The following GABRR1 variants were observed in gnomAD, a reference collection of about 807,000 sequenced individuals.
GABRR1 encodes the protein gamma-aminobutyric acid receptor subunit rho-1.
Under a neutral mutation model 55.5 loss-of-function variants are expected in GABRR1, and 59 were observed. The observed-to-expected ratio is 1.06, with a 90% confidence interval of 0.86 to 1.32. The LOEUF (loss-of-function observed/expected upper bound fraction) is 1.32. GABRR1 is among the 40% of genes most tolerant of loss of function. The pLI is 0.00. For synonymous variants in GABRR1, 213 were observed against 226.0 expected (o/e 0.94, Z 0.51); for missense variants, 602 against 619.1 (o/e 0.97, Z 0.29).
chr6:89,189,436 T>G (rs1381628484), intron 6 of GABRR1, among the ~76,000 whole-genome samples: 1 of 136,220 alleles, frequency 7.3e-6, no homozygotes, highest in East Asian at 2.2e-4. Context: ...CCGCATATTC[T>G]CACTCATAGG....
At position 89,181,387 on chromosome 6, in the gene GABRR1, C is replaced by T. The variant is rs554198797; in HGVS notation, c.949+518G>A. On this transcript the variant is annotated intron_variant, in intron 8 of 9. Coordinates refer to ENST00000454853, the MANE Select transcript of GABRR1 (RefSeq NM_002042.5). Reference sequence around the variant, plus strand: ...AGAGCTGACAGCAAATAGCCATAAGCGGAATGCTTATAGAAAAGGGATTCT... The same window carrying T: ...AGAGCTGACAGCAAATAGCCATAAGTGGAATGCTTATAGAAAAGGGATTCT... Among the ~76,000 whole-genome samples the T allele has an allele frequency of 2.1e-4, 32 of 152,182 alleles. 3 individuals are homozygous for T. The South Asian group carries it at 5.6e-3, about 27-fold the overall frequency.
intron 1 of GABRR1, among the ~76,000 whole-genome samples, chr6:89,206,892 A>G (rs1379873572): frequency 6.6e-6 from 1 of 152,182 alleles, no homozygotes; most frequent in Admixed American, 6.5e-5. Context: ...TGTTGGGATT[A>G]TATTTGTGAG....
At chr6:89,192,434 C>G (rs1312514443) in intron 5 of GABRR1, among the ~76,000 whole-genome samples, 1 of 152,160 alleles carries the variant, frequency 6.6e-6, no homozygotes, top group African/African-American at 2.4e-5. Context: ...ACACACACAC[C>G]AAGCTTTTTG....
chr6:89,230,926 G>A (rs1327706602), intron 1 of GABRR1, among the ~76,000 whole-genome samples: 3 of 151,230 alleles, frequency 2.0e-5, no homozygotes, highest in Non-Finnish European at 3.0e-5. Context: ...TTCCATGGGC[G>A]TAGGACCCTC....
intron 2 of GABRR1, among the ~76,000 whole-genome samples, 190 bp from the exon 3 acceptor site, chr6:89,201,455 G>C (rs945413198): frequency 6.6e-6 from 1 of 152,160 alleles, no homozygotes; most frequent in East Asian, 1.9e-4. Context: ...CCAAGACATT[G>C]GCTTTGACCA....
chr6:89,229,792 G>C lies in GABRR1; in HGVS notation c.-411+1424C>G, dbSNP rs1425928222. On this transcript the variant is annotated intron_variant, in intron 1 of 11. Transcript: ENST00000369451. The stretch of plus-strand genomic sequence containing the variant: ...CTTTGTGGCATTCTCTGTATTTCCT[G>C]AATCTGAACGTTGGCCTGCCTTGCT... Among the ~76,000 whole-genome samples, 62 of 106,292 alleles carry C rather than the reference G, an allele frequency of 5.8e-4. 1 individual carries two copies. Among genetic ancestry groups the C allele is most frequent in the African/African-American group, 2.2e-3 (61 of 27,412 alleles). 69.7% of individuals were successfully genotyped at this position (106,292 alleles called of 152,430 possible). A position where few individuals can be genotyped will look rare whatever the true frequency, so the allele number is the denominator to read the frequency against.
upstream of GABRR1, chr6:89,221,511 G>A (rs1377269233): frequency 6.6e-6 from 1 of 152,170 alleles, no homozygotes; most frequent in African/African-American, 2.4e-5. Context: ...CTACTTGCTA[G>A]TATTTACATT....
At chr6:89,184,101 G>T (rs1771816474) in intron 7 of GABRR1, among the ~76,000 whole-genome samples, 2 of 152,016 alleles carry the variant, frequency 1.3e-5, no homozygotes, top group African/African-American at 4.8e-5. Context: ...TTAGCCAGCC[G>T]TGGTGGTGGG....
At position 89,184,795 on chromosome 6, in the gene GABRR1, G is replaced by A. The variant is rs550638241; in HGVS notation, c.796+515C>T. 6.6e-5 allele frequency among the ~76,000 whole-genome samples: 10 copies of A among 151,812 alleles called. No homozygotes were observed. The South Asian group carries it at 1.9e-3, about 28-fold the overall frequency. ...AATTTTTTTAGGTTAGTACTCTGAC[G>A]CATTGGTAATATCAAAAAAATCACT... is the stretch of plus-strand genomic sequence containing the variant. On this transcript the variant is annotated intron_variant, in intron 7 of 9. Coordinates refer to ENST00000454853, the MANE Select transcript of GABRR1 (RefSeq NM_002042.5).
chr6:89,213,446 A>G (rs1199565149), intron 1 of GABRR1, among the ~76,000 whole-genome samples: 2 of 152,230 alleles, frequency 1.3e-5, no homozygotes, highest in Admixed American at 6.5e-5. Context: ...GCCCGCATAT[A>G]TCTGGAGCTT....
chr6:89,197,983 T>C (rs1358598435), intron 5 of GABRR1, 37 bp downstream of exon 5: 1 of 1,572,172 alleles, frequency 6.4e-7, no homozygotes, highest in South Asian at 1.1e-5. Flanking sequence ...ACCAATGCTT[T>C]TCTTGGTTAA....
rs201812835 is a variant in GABRR1, at chr6:89,198,098, C to A, written c.494G>T (p.Arg165Leu). Residue 165 changes from arginine to leucine, a missense_variant, in exon 5 of 10, where the codon CGC (arginine) becomes CTC (leucine). Coordinates refer to ENST00000454853, the MANE Select transcript of GABRR1 (RefSeq NM_002042.5). ...VPDMFFVHSK[R>L]SFIHDTTTDN... ...TGTGGTGGTGTCGTGGATGAAGGAG[C>A]GTTTGGAGTGCACGAAAAACATGTC... The A allele has an allele frequency of 6.2e-7, 1 of 1,614,064 alleles. No homozygotes were observed. The highest frequency in any genetic ancestry group is 2.2e-5 in the East Asian group (1 of 44,874).
rs1050059224 is a variant in GABRR1, at chr6:89,204,330, G to C, written c.123-845C>G. ...AGCAGAGACAGGTGTGCGCTCTGCA[G>C]GCGTGGGCAGAGCTAAGACTGGGGA... On this transcript the variant is annotated intron_variant, in intron 1 of 9. Coordinates refer to ENST00000454853, the MANE Select transcript of GABRR1 (RefSeq NM_002042.5). Among the ~76,000 whole-genome samples, 4 of 152,372 alleles carry C rather than the reference G, an allele frequency of 2.6e-5. No individual in the cohort carries two copies. The South Asian group carries it at 8.3e-4, about 32-fold the overall frequency.
rs1258923368 is a variant in GABRR1 at position 89,181,917 on chromosome 6, T to C, written c.937A>G (p.Arg313Gly). ...FWIDRRAVPARVPLGITTVLT... is the reference protein window; with the variant it reads ...FWIDRRAVPAGVPLGITTVLT... ...AGGTATTCCTTACCTAAGGGGACTC[T>C]GGCAGGCACGGCTCTGCGGTCGATC... The change falls in exon 8 of 10, where the codon AGA (arginine) becomes GGA (glycine). Residue 313 changes from arginine (R) to glycine (G), a missense_variant. Transcript: ENST00000454853. The C allele has an allele frequency of 3.1e-6, 5 of 1,612,778 alleles. No individual in the cohort carries two copies. The highest frequency in any genetic ancestry group is 4.2e-6 in the Non-Finnish European group (5 of 1,179,306).
At chr6:89,185,699 G>C (rs911745088) in intron 6 of GABRR1, among the ~76,000 whole-genome samples, 2 of 152,154 alleles carry the variant, frequency 1.3e-5, no homozygotes, top group South Asian at 2.1e-4. Context: ...CCTGCAAAAG[G>C]GTTCACCCTA....
intron 9 of GABRR1, 70 bp from the exon 10 acceptor site, chr6:89,179,133 G>A: frequency 6.9e-7 from 1 of 1,458,502 alleles, no homozygotes; most frequent in Non-Finnish European, 9.3e-7. Context: ...AAAAGGAACT[G>A]CATAGTGGAG....
At chr6:89,225,183 C>T (rs913793292) in intron 1 of GABRR1, among the ~76,000 whole-genome samples, 21 of 151,226 alleles carry the variant, frequency 1.4e-4, no homozygotes, top group Non-Finnish European at 2.9e-4. Flanking sequence ...GTTTCATTCT[C>T]TTGCGTGTGG....
intron 1 of GABRR1, among the ~76,000 whole-genome samples, chr6:89,229,828 AG>A (rs1773255103): frequency 8.0e-6 from 1 of 125,194 alleles, no homozygotes; most frequent in Admixed American, 8.4e-5. Flanking sequence ...AGATTGGGGA[AG>A]TTCTCCTGGA....
At chr6:89,230,912 G>C (rs1301335656) in intron 1 of GABRR1, among the ~76,000 whole-genome samples, 13 of 150,938 alleles carry the variant, frequency 8.6e-5, no homozygotes, top group African/African-American at 2.0e-4. Flanking sequence ...AGCAATCAGC[G>C]AGATTCCATG....
Sources: allele counts gnomAD v4.1 joint callset (sites outside exome capture counted in the v4.1 genomes callset), GRCh38; gene constraint gnomAD v4.1.1; transcripts MANE v1.5; gene names NCBI Gene and HGNC (gene_info 2026-07-23, HGNC 2026-07-21).